GPC6: variants seen among roughly 807,000 people sequenced by gnomAD.
The protein encoded by GPC6 is glypican-6.
Under a neutral mutation model 55.2 loss-of-function variants are expected in GPC6, and 14 were observed. That is an observed-to-expected ratio of 0.25 (90% CI 0.17 to 0.40). The LOEUF (loss-of-function observed/expected upper bound fraction) is 0.40. GPC6 is among the 10% of genes least tolerant of loss of function. The probability of loss-of-function intolerance (pLI) is 1.00; values close to 1 mark genes in which losing one functional copy is unlikely to be tolerated. For synonymous variants in GPC6, 278 were observed against 259.6 expected, an observed-to-expected ratio of 1.07 and a Z score of -0.68; for missense variants, 641 against 708.5, an observed-to-expected ratio of 0.90 and a Z score of 1.08.
chr13:93,227,643 G>C lies in GPC6; in HGVS notation c.160+27G>C. On this transcript the variant is annotated intron_variant, in intron 1 of 8. Coordinates refer to ENST00000377047, the MANE Select transcript of GPC6 (RefSeq NM_005708.5). The surrounding 1 kb of genome is among the most constrained non-coding windows in gnomAD (Gnocchi z 4.3). ...TAAGCGCGGGCGCGCTGCAGGGGCA[G>C]GCTGCAGCCCTCGGCTGCCGCACGT... 1 of 1,566,950 alleles carries C rather than the reference G, an allele frequency of 6.4e-7. No individual in the cohort carries two copies. The highest frequency in any genetic ancestry group is 8.6e-7 in the Non-Finnish European group (1 of 1,157,386).
chr13:93,372,027 G>C (rs1307464090), intron 1 of GPC6, among the ~76,000 whole-genome samples: 1 of 152,008 alleles, frequency 6.6e-6, no homozygotes, highest in Non-Finnish European at 1.5e-5. Context: ...TATTCGATTG[G>C]CCTATTTCTG....
intron 2 of GPC6, among the ~76,000 whole-genome samples, chr13:93,733,027 C>T (rs1279923852): frequency 6.6e-6 from 1 of 152,014 alleles, no homozygotes; most frequent in Non-Finnish European, 1.5e-5. Flanking sequence ...CCATATTGCA[C>T]AGGGCAGACT....
At chr13:93,927,724 C>T (rs1453205741) in intron 3 of GPC6, among the ~76,000 whole-genome samples, 1 of 149,968 alleles carries the variant, frequency 6.7e-6, no homozygotes, top group Non-Finnish European at 1.5e-5. Flanking sequence ...ATGATAACAA[C>T]ATTATATACT....
chr13:93,752,257 T>C (rs1884620325), intron 2 of GPC6, among the ~76,000 whole-genome samples: 2 of 152,036 alleles, frequency 1.3e-5, no homozygotes, highest in South Asian at 4.2e-4. Flanking sequence ...TTAGATGATG[T>C]TTCAGAGCTC....
intron 4 of GPC6, among the ~76,000 whole-genome samples, chr13:94,186,349 G>C (rs565491469): frequency 6.6e-6 from 1 of 152,120 alleles, no homozygotes; most frequent in East Asian, 1.9e-4. Context: ...ACTTAAAGAT[G>C]CTTGCAAGCC....
intron 2 of GPC6, among the ~76,000 whole-genome samples, chr13:93,569,699 A>T (rs889167656): frequency 1.3e-5 from 2 of 152,070 alleles, no homozygotes; most frequent in African/African-American, 4.8e-5. Flanking sequence ...ATAACTCATT[A>T]ACATCAAGAA....
intron 3 of GPC6, among the ~76,000 whole-genome samples, chr13:93,919,042 C>A (rs958880078): frequency 1.3e-5 from 2 of 152,128 alleles, no homozygotes; most frequent in African/African-American, 4.8e-5. Context: ...GTAGCACCAT[C>A]CCCTTGGTGA....
intron 2 of GPC6, among the ~76,000 whole-genome samples, chr13:93,686,424 G>A (rs187020426): frequency 1.3e-5 from 2 of 152,050 alleles, no homozygotes; most frequent in Non-Finnish European, 2.9e-5. Flanking sequence ...AGGGTGTTTG[G>A]AGTCTCTGTG....
intron 2 of GPC6, among the ~76,000 whole-genome samples, chr13:93,652,349 C>G (rs1325208921): frequency 6.6e-6 from 1 of 152,096 alleles, no homozygotes; most frequent in Non-Finnish European, 1.5e-5. Flanking sequence ...AACAGACTCA[C>G]CTTATGTCTT....
Position 93,959,311 on chromosome 13 carries a change from C to T in GPC6, c.712-68418C>T, listed in dbSNP as rs546826651. On this transcript the variant is annotated intron_variant, in intron 3 of 8. Transcript: ENST00000377047. ...CCAAGTAGCTGGGATTACAGGCATG[C>T]GCCACCACACCCGGCTAATTTTTGT... 1.7e-4 allele frequency among the ~76,000 whole-genome samples: 26 copies of T among 152,008 alleles called. No homozygotes were observed. The South Asian group carries it at 5.2e-3, about 30-fold the overall frequency.
At chr13:93,780,583 G>T (rs1429806541) in intron 2 of GPC6, among the ~76,000 whole-genome samples, 2 of 130,916 alleles carry the variant, frequency 1.5e-5, no homozygotes, top group South Asian at 5.1e-4. Flanking sequence ...TATGGTTCAC[G>T]ATCACAAAAA....
rs150597798 is a variant in GPC6, at chr13:93,585,127, C to G, written c.319+39706C>G. Among the ~76,000 whole-genome samples, 584 of 152,292 alleles carry G rather than the reference C, an allele frequency of 3.8e-3. 5 individuals carry two copies. Among genetic ancestry groups the G allele is most frequent in the African/African-American group, 0.013 (547 of 41,566 alleles). On this transcript the variant is annotated intron_variant, in intron 2 of 8. Transcript: ENST00000377047. Reference sequence around the variant, plus strand: ...GTTCGTGCTGCTAGGAAAACATTTTCTTGTTGTGACAACCGATATGTGATG... The same window carrying G: ...GTTCGTGCTGCTAGGAAAACATTTTGTTGTTGTGACAACCGATATGTGATG...
intron 2 of GPC6, among the ~76,000 whole-genome samples, chr13:93,812,232 T>A (rs1377180087): frequency 6.6e-6 from 1 of 151,000 alleles, no homozygotes; most frequent in Non-Finnish European, 1.5e-5. Context: ...CTACTAAAAA[T>A]ACAAAAATTA....
chr13:94,235,425 C>T (rs918991526), intron 4 of GPC6, among the ~76,000 whole-genome samples: 1 of 152,138 alleles, frequency 6.6e-6, no homozygotes, highest in Non-Finnish European at 1.5e-5. Flanking sequence ...CCTCATTGAG[C>T]GGCCTTACTT....
chr13:94,026,642 A>G (rs796523085), intron 3 of GPC6, among the ~76,000 whole-genome samples: 4 of 152,254 alleles, frequency 2.6e-5, no homozygotes, highest in African/African-American at 9.6e-5. Flanking sequence ...GTATGAGTTC[A>G]TTCTCACATA....
At chr13:93,400,980 T>C (rs1379388198) in intron 1 of GPC6, among the ~76,000 whole-genome samples, 4 of 152,114 alleles carry the variant, frequency 2.6e-5, no homozygotes, top group Admixed American at 2.0e-4. Flanking sequence ...AGAGGTTGGT[T>C]TATGGCAGAA....
intron 4 of GPC6, among the ~76,000 whole-genome samples, chr13:94,159,399 C>T (rs1013481749): frequency 1.3e-5 from 2 of 152,134 alleles, no homozygotes; most frequent in Admixed American, 6.5e-5. Flanking sequence ...GGAGGCTTCA[C>T]AATCATGGCA....
chr13:93,323,339 G>C (rs949852807), intron 1 of GPC6, among the ~76,000 whole-genome samples: 4 of 152,142 alleles, frequency 2.6e-5, no homozygotes, highest in Non-Finnish European at 4.4e-5. Flanking sequence ...GGATGTATGT[G>C]TGAGATATGT....
chr13:93,481,129 C>T (rs1383313175), intron 1 of GPC6, among the ~76,000 whole-genome samples: 1 of 152,050 alleles, frequency 6.6e-6, no homozygotes, highest in Non-Finnish European at 1.5e-5. Flanking sequence ...TTATAGTCAT[C>T]GCAGTGGTCG....
Sources: gnomAD v4.1 joint callset for allele counts (sites outside exome capture counted in the v4.1 genomes callset) on GRCh38, gnomAD v4.1.1 for gene constraint, Gnocchi (gnomAD v3.1) non-coding constraint, MANE v1.5 for transcripts, NCBI Gene and HGNC (gene_info 2026-07-23, HGNC 2026-07-21) for gene names.